The following GCNT1 variants were observed in gnomAD, a reference collection of about 807,000 sequenced individuals.
GCNT1 encodes the protein beta-1,3-galactosyl-O-glycosyl-glycoprotein beta-1,6-N-acetylglucosaminyltransferase.
In GCNT1, 16 loss-of-function variants were observed where a neutral mutation model predicts 26.2. The observed-to-expected ratio is 0.61, with a 90% CI of 0.41 to 0.93. The LOEUF (loss-of-function observed/expected upper bound fraction) is 0.93, where lower values mean the gene tolerates loss of function less well. Among genes scored for constraint, GCNT1 ranks in the 40% least tolerant of loss-of-function variants. GCNT1 has a pLI of 0.00. For synonymous variants in GCNT1, 183 were observed against 190.8 expected (o/e 0.96, Z 0.34); for missense variants, 477 against 526.7 (o/e 0.91, Z 0.92).
intron 1 of GCNT1, among the ~76,000 whole-genome samples, chr9:76,433,194 A>G (rs1297432146): frequency 6.6e-6 from 1 of 152,186 alleles, no homozygotes. Context: ...ATGCAGGTAC[A>G]AAGACGACAG....
In GCNT1 at chr9:76,502,674, G is replaced by A. The variant is rs766528457; in HGVS notation, c.293G>A (p.Ser98Asn). 3 of 1,614,152 alleles carry A rather than the reference G, an allele frequency of 1.9e-6. No homozygotes were observed. Among genetic ancestry groups the A allele is most frequent in the Non-Finnish European group, 1.7e-6 (2 of 1,180,012 alleles). The change falls in exon 4 of 4, where the codon AGT becomes AAT. Residue 98 changes from serine to asparagine, a missense_variant. By Grantham distance (46) the Ser-to-Asn change is conservative. Transcript: ENST00000376730. ...CCTGACGACTATATAAACATGACCA[G>A]TGACTGTTCTTCTTTCATCAAGAGA... Reference protein sequence around the residue: ...WTPDDYINMTSDCSSFIKRRK... With the variant: ...WTPDDYINMTNDCSSFIKRRK...
intron 1 of GCNT1, among the ~76,000 whole-genome samples, chr9:76,450,317 C>T (rs1183768476): frequency 1.3e-5 from 2 of 152,094 alleles, no homozygotes; most frequent in African/African-American, 4.8e-5. Context: ...AACAGATGTG[C>T]ACTTTTATAT....
intron 1 of GCNT1, among the ~76,000 whole-genome samples, chr9:76,426,398 T>C (rs1014277705): frequency 1.3e-5 from 2 of 151,944 alleles, no homozygotes; most frequent in Admixed American, 6.6e-5. Flanking sequence ...CGAAGCCCTG[T>C]CTTCGCAAAA....
At chr9:76,432,502 G>C (rs889101984) in intron 1 of GCNT1, among the ~76,000 whole-genome samples, 1 of 151,388 alleles carries the variant, frequency 6.6e-6, no homozygotes, top group Non-Finnish European at 1.5e-5. Flanking sequence ...ACCATGTCTG[G>C]CTTATTTTTG....
At chr9:76,421,674 A>ATTTGTTTGTAGGTTG (rs1554730048) in intron 1 of GCNT1, among the ~76,000 whole-genome samples, 15 of 133,878 alleles carry the variant, frequency 1.1e-4, no homozygotes, top group South Asian at 7.1e-4. Context: ...TGGCAACTCA[A>ATTTGTTTGTAGGTTG]TTTGTTTGTA....
chr9:76,504,068 C>A lies in GCNT1; in HGVS notation c.*400C>A. On this transcript the variant is annotated 3_prime_UTR_variant, in exon 4 of 4. Coordinates refer to ENST00000376730, the MANE Select transcript of GCNT1 (RefSeq NM_001490.5). ...GAGAATTTTAAATGTGACCATTTTT[C>A]TGGTATGAATAAACTTACAGCAACA... is the stretch of plus-strand genomic sequence containing the variant. 1 of 212,106 alleles carries A rather than the reference C, an allele frequency of 4.7e-6. No homozygotes were observed. The allele number at this position is 212,106 out of a possible 1,614,324, so 13.1% of individuals were successfully genotyped here.
the GCNT1 span, among the ~76,000 whole-genome samples, chr9:76,402,266 C>G: frequency 6.6e-6 from 1 of 152,162 alleles, no homozygotes; most frequent in Non-Finnish European, 1.5e-5. Flanking sequence ...GTTAACACAT[C>G]CAGTTTTCCT....
chr9:76,489,348 C>T (rs605087), intron 2 of GCNT1, among the ~76,000 whole-genome samples: 32,826 of 152,030 alleles, frequency 0.22, 3,867 homozygotes, highest in Middle Eastern at 0.32. Context: ...AAAATGAAGC[C>T]GCAGACCTTT....
intron 2 of GCNT1, among the ~76,000 whole-genome samples, chr9:76,495,280 G>A (rs1198649247): frequency 1.3e-5 from 2 of 152,146 alleles, no homozygotes; most frequent in Non-Finnish European, 2.9e-5. Flanking sequence ...TCCAGAGTTT[G>A]TTCCTTCAGA....
In GCNT1 at chr9:76,502,787, C is replaced by T. The variant is rs150529677; in HGVS notation, c.406C>T (p.Leu136Phe). The change falls in exon 4 of 4, where the codon CTT (leucine) becomes TTT (phenylalanine). Residue 136 changes from leucine to phenylalanine, a missense_variant. Physicochemically the swap from Leu to Phe is conservative, Grantham distance 22. Coordinates refer to ENST00000376730, the MANE Select transcript of GCNT1 (RefSeq NM_001490.5). ...AGTGGTTCATCACAAGATTGAAATGCTTGACAGGCTGCTGAGGGCCATCTA... is the reference window on the plus strand; with the variant it reads ...AGTGGTTCATCACAAGATTGAAATGTTTGACAGGCTGCTGAGGGCCATCTA... ...SIVVHHKIEM[L>F]DRLLRAIYMP... 78 of 1,613,998 alleles carry T rather than the reference C, an allele frequency of 4.8e-5. No individual in the cohort carries two copies. The highest frequency in any genetic ancestry group is 5.5e-5 in the Non-Finnish European group (65 of 1,180,008).
rs539885622 is a variant in GCNT1, at chr9:76,468,515, G to A, written c.-290+8338G>A. Among the ~76,000 whole-genome samples the A allele has an allele frequency of 4.4e-4, 67 of 152,288 alleles. 1 individual carries two copies. The South Asian group carries it at 0.01, about 24-fold the overall frequency. ...GTTACCTTTTGGTATATATGTCATG[G>A]CATGAGAAAGAATCACTGCTTTAGT... On this transcript the variant is annotated intron_variant, in intron 2 of 3. Transcript: ENST00000376730.
chr9:76,426,444 TG>T (rs1823258695), intron 1 of GCNT1, among the ~76,000 whole-genome samples: 1 of 152,112 alleles, frequency 6.6e-6, no homozygotes, highest in Non-Finnish European at 1.5e-5. Context: ...GATGCATGCC[TG>T]TAGTCCCAGC....
At chr9:76,447,125 A>AT (rs1823589253) in intron 1 of GCNT1, among the ~76,000 whole-genome samples, 1 of 135,004 alleles carries the variant, frequency 7.4e-6, no homozygotes, top group Non-Finnish European at 1.5e-5. Context: ...ACTGCACTAC[A>AT]TCCTGGGCAG....
At chr9:76,394,611 G>A in the GCNT1 span, 3 of 154,504 alleles carry the variant, frequency 1.9e-5, no homozygotes, top group South Asian at 5.9e-4. Context: ...CCCGCTGCAG[G>A]CTCCCGCCCC....
At chr9:76,420,841 A>C (rs1408469733) in intron 1 of GCNT1, among the ~76,000 whole-genome samples, 1 of 150,756 alleles carries the variant, frequency 6.6e-6, no homozygotes, top group East Asian at 2.0e-4. Flanking sequence ...TGGGAGGCTG[A>C]GGCAGGAGGA....
At chr9:76,488,576 C>T (rs1824644911) in intron 2 of GCNT1, among the ~76,000 whole-genome samples, 1 of 152,210 alleles carries the variant, frequency 6.6e-6, no homozygotes, top group African/African-American at 2.4e-5. Flanking sequence ...CCTCTTCCTC[C>T]TGGGTTCAAG....
upstream of GCNT1, among the ~76,000 whole-genome samples, chr9:76,419,506 C>A (rs766000401): frequency 6.6e-6 from 1 of 152,016 alleles, no homozygotes; most frequent in African/African-American, 2.4e-5. Context: ...CCCGTCTCTA[C>A]GAAAATTAGC....
At chr9:76,399,019 C>G in the GCNT1 span, 1 of 1,587,202 alleles carries the variant, frequency 6.3e-7, no homozygotes, top group Non-Finnish European at 8.5e-7. Context: ...CTCCTGGAAC[C>G]TTCACTAACC....
At chr9:76,444,756 C>T (rs1024350187) in intron 1 of GCNT1, among the ~76,000 whole-genome samples, 1 of 152,034 alleles carries the variant, frequency 6.6e-6, no homozygotes, top group Non-Finnish European at 1.5e-5. Flanking sequence ...AGGCTGATGC[C>T]CTCTTGGGCC....
Sources: gnomAD v4.1 joint callset for allele counts (sites outside exome capture counted in the v4.1 genomes callset) on GRCh38, gnomAD v4.1.1 for gene constraint, MANE v1.5 for transcripts, NCBI Gene and HGNC (gene_info 2026-07-23, HGNC 2026-07-21) for gene names.